Variants in AOPEP observed in about 807,000 individuals in gnomAD.
AOPEP encodes the protein aminopeptidase O.
A neutral mutation model predicts 98.1 loss-of-function variants in AOPEP; 77 were observed. The ratio of observed to expected loss-of-function variants is 0.78; its 90% confidence interval spans 0.65 to 0.95. The LOEUF (loss-of-function observed/expected upper bound fraction) is 0.95, where lower values mean the gene tolerates loss of function less well. AOPEP is among the 40% of genes least tolerant of loss of function. AOPEP has a pLI of 0.00. For missense variants in AOPEP, 1,024 were observed against 1,024.7 expected (o/e 1.00, Z 0.01); for synonymous variants, 346 against 365.3 (o/e 0.95, Z 0.60).
intron 5 of AOPEP, among the ~76,000 whole-genome samples, chr9:94,831,784 A>C (rs1322738788): frequency 6.6e-6 from 1 of 152,014 alleles, no homozygotes; most frequent in Admixed American, 6.5e-5. Context: ...AGTGCTACAA[A>C]GAGAAAAAAT....
chr9:94,884,940 C>A (rs938930109), intron 5 of AOPEP, among the ~76,000 whole-genome samples: 47 of 145,584 alleles, frequency 3.2e-4, no homozygotes, highest in Non-Finnish European at 5.8e-4. Flanking sequence ...ACCCGGGAGG[C>A]GGAGCTTGCA....
At chr9:94,789,998 C>A in intron 3 of AOPEP, among the ~76,000 whole-genome samples, 1 of 151,910 alleles carries the variant, frequency 6.6e-6, no homozygotes, top group African/African-American at 2.4e-5. Flanking sequence ...TTCAGCCTCC[C>A]GAGTAGCTGG....
intron 14 of AOPEP, among the ~76,000 whole-genome samples, chr9:95,078,197 G>A (rs2069299202): frequency 6.6e-6 from 1 of 152,110 alleles, no homozygotes; most frequent in African/African-American, 2.4e-5. Context: ...TCAGATCCGT[G>A]GTGAAAGAGC....
At chr9:94,866,002 C>T (rs531592133) in intron 5 of AOPEP, among the ~76,000 whole-genome samples, 213 of 152,304 alleles carry the variant, frequency 1.4e-3, no homozygotes, top group African/African-American at 4.9e-3. Context: ...AGGGCCATTG[C>T]AAATGGCATC....
chr9:94,728,342 C>T (rs557434684), intron 1 of AOPEP, among the ~76,000 whole-genome samples: 2 of 152,046 alleles, frequency 1.3e-5, no homozygotes, highest in East Asian at 3.9e-4. Flanking sequence ...GTTTGGAGTC[C>T]TCAGGGAATG....
chr9:94,912,889 C>T (rs777649682), intron 5 of AOPEP, among the ~76,000 whole-genome samples: 4 of 152,238 alleles, frequency 2.6e-5, no homozygotes, highest in South Asian at 2.1e-4. Flanking sequence ...GCTGCACTGC[C>T]AGTCACTGCA....
intron 13 of AOPEP, 124 bp from the exon 14 acceptor site, chr9:95,060,570 T>C: frequency 4.2e-6 from 3 of 711,690 alleles, no homozygotes; most frequent in South Asian, 3.2e-5. Flanking sequence ...AGTCTTTCCA[T>C]GTTGCCAATA....
chr9:94,939,347 G>T (rs1291406460), intron 7 of AOPEP, among the ~76,000 whole-genome samples: 1 of 152,140 alleles, frequency 6.6e-6, no homozygotes, highest in East Asian at 1.9e-4. Context: ...AAATTCGGGG[G>T]TTCTGTGAAG....
intron 7 of AOPEP, among the ~76,000 whole-genome samples, chr9:94,948,413 G>A (rs2137754893): frequency 6.6e-6 from 1 of 152,040 alleles, no homozygotes; most frequent in Admixed American, 6.5e-5. Flanking sequence ...TTGGCCCTCA[G>A]GATCCCATTC....
At chr9:95,149,769 A>T in the AOPEP span, among the ~76,000 whole-genome samples, 2 of 151,862 alleles carry the variant, frequency 1.3e-5, no homozygotes, top group Non-Finnish European at 2.9e-5. Context: ...GTGAGCCACC[A>T]CACCTGGCCG....
intron 5 of AOPEP, among the ~76,000 whole-genome samples, chr9:94,866,357 C>A (rs1461616969): frequency 6.6e-6 from 1 of 152,196 alleles, no homozygotes; most frequent in Non-Finnish European, 1.5e-5. Context: ...TTATTCAATT[C>A]TTCCAGCCCT....
At chr9:94,958,038 T>C (rs1159556440) in intron 9 of AOPEP, among the ~76,000 whole-genome samples, 1 of 152,194 alleles carries the variant, frequency 6.6e-6, no homozygotes, top group African/African-American at 2.4e-5. Context: ...TTCATCATGA[T>C]AACCCTCCAT....
intron 11 of AOPEP, among the ~76,000 whole-genome samples, chr9:94,981,800 A>C (rs899842552): frequency 6.6e-6 from 1 of 152,134 alleles, no homozygotes; most frequent in Non-Finnish European, 1.5e-5. Flanking sequence ...TCTCGTAAAA[A>C]TTTCTGTCTA....
At chr9:94,961,283 C>T (rs796405305) in intron 9 of AOPEP, among the ~76,000 whole-genome samples, 1 of 152,252 alleles carries the variant, frequency 6.6e-6, no homozygotes, top group African/African-American at 2.4e-5. Context: ...GGTTTTCTAT[C>T]TTTTTTCCCC....
chr9:94,782,520 A>G (rs1346845522), intron 3 of AOPEP, among the ~76,000 whole-genome samples: 1 of 152,154 alleles, frequency 6.6e-6, no homozygotes, highest in African/African-American at 2.4e-5. Context: ...GAGAGTCCAG[A>G]CCCTCCTGTG....
chr9:94,853,126 C>CA (rs35743902), intron 5 of AOPEP, among the ~76,000 whole-genome samples: 4 of 151,584 alleles, frequency 2.6e-5, no homozygotes, highest in African/African-American at 4.8e-5. Context: ...CACAAACAGC[C>CA]AAAAAAGGAA....
At chr9:94,808,068 A>C (rs1221532354) in intron 5 of AOPEP, among the ~76,000 whole-genome samples, 1 of 143,534 alleles carries the variant, frequency 7.0e-6, no homozygotes, top group Non-Finnish European at 1.5e-5. Flanking sequence ...TTTGAGACGG[A>C]GTCTCACTCT....
intron 5 of AOPEP, among the ~76,000 whole-genome samples, chr9:94,898,321 T>C (rs1184289809): frequency 1.3e-5 from 2 of 151,916 alleles, no homozygotes; most frequent in Non-Finnish European, 2.9e-5. Flanking sequence ...ATGCAGCCTT[T>C]AAAAAGAATG....
At chr9:95,055,607 T>C (rs968920671) in intron 13 of AOPEP, among the ~76,000 whole-genome samples, 1 of 152,190 alleles carries the variant, frequency 6.6e-6, no homozygotes. Flanking sequence ...CCCATTCCTG[T>C]GGACTGAAGG....
Sources: allele counts gnomAD v4.1 joint callset (sites outside exome capture counted in the v4.1 genomes callset), GRCh38; gene constraint gnomAD v4.1.1; transcripts MANE v1.5; gene names NCBI Gene and HGNC (gene_info 2026-07-23, HGNC 2026-07-21).